The following ARHGAP26 variants were observed in gnomAD, a reference collection of about 807,000 sequenced individuals.
ARHGAP26 encodes Rho GTPase activating protein 26, also known as rho GTPase-activating protein 26.
In ARHGAP26, 38 loss-of-function variants were observed where a neutral mutation model predicts 104.8. The ratio of observed to expected loss-of-function variants is 0.36; its 90% CI spans 0.28 to 0.48. ARHGAP26 has a LOEUF of 0.48. Among genes scored for constraint, ARHGAP26 ranks in the 20% least tolerant of loss-of-function variants. The pLI is 0.99. For missense variants in ARHGAP26, 704 were observed against 947.9 expected (o/e 0.74, Z 3.38); for synonymous variants, 341 against 340.0 (o/e 1.00, Z -0.03).
At chr5:142,778,071 G>T (rs1227583657) in intron 1 of ARHGAP26, among the ~76,000 whole-genome samples, 1 of 152,164 alleles carries the variant, frequency 6.6e-6, no homozygotes, top group Non-Finnish European at 1.5e-5. Context: ...CATCACAGAT[G>T]GTGGTCAGAG....
chr5:142,840,931 A>C (rs1770668852), intron 1 of ARHGAP26, among the ~76,000 whole-genome samples: 1 of 152,244 alleles, frequency 6.6e-6, no homozygotes, highest in African/African-American at 2.4e-5. Context: ...CAGACAGTAA[A>C]CACATGGAAT....
rs1204011353 is a variant in ARHGAP26 at position 143,226,203 on chromosome 5, C to T, written c.*3757C>T. ...TTTCGTAGCTAAAGAATGCCATGGC[C>T]GGGTGCAGTGGCTCACGCCTATAAT... On this transcript the variant is annotated 3_prime_UTR_variant, in exon 23 of 23. Transcript: ENST00000645722. 7 of 182,236 alleles carry T rather than the reference C, an allele frequency of 3.8e-5. No individual in the cohort carries two copies. The highest frequency in any genetic ancestry group is 5.8e-5 in the Non-Finnish European group (5 of 85,590). The allele number at this position is 182,236 out of a possible 1,614,324, so 11.3% of individuals were successfully genotyped here. A position where few individuals can be genotyped will look rare whatever the true frequency, so the allele number is the denominator to read the frequency against.
At chr5:143,196,231 T>A (rs1474378080) in intron 20 of ARHGAP26, among the ~76,000 whole-genome samples, 1 of 152,074 alleles carries the variant, frequency 6.6e-6, no homozygotes, top group African/African-American at 2.4e-5. Context: ...CATCTCTTGC[T>A]TTCTCCTCCC....
intron 13 of ARHGAP26, among the ~76,000 whole-genome samples, chr5:143,038,902 G>T (rs1783051655): frequency 1.3e-5 from 2 of 151,928 alleles, no homozygotes; most frequent in East Asian, 1.9e-4. Flanking sequence ...CACCATGTTG[G>T]CCAGGATGGT....
rs75902370 is a variant in ARHGAP26 at position 142,953,064 on chromosome 5, A to G, written c.1107+20939A>G. Reference sequence around the variant, plus strand: ...GTAGCCACAATGTCATGGAGAGGATATAACTTATAACACCTTGCACTAGCT... The same window carrying G: ...GTAGCCACAATGTCATGGAGAGGATGTAACTTATAACACCTTGCACTAGCT... On this transcript the variant is annotated intron_variant, in intron 11 of 22. Transcript: ENST00000645722. Among the ~76,000 whole-genome samples the G allele has an allele frequency of 3.7e-3, 570 of 152,274 alleles. 14 individuals are homozygous for G. In the East Asian group the frequency reaches 0.074, roughly 20 times the overall value.
chr5:143,053,404 A>G (rs772047673), intron 14 of ARHGAP26, among the ~76,000 whole-genome samples: 12 of 152,180 alleles, frequency 7.9e-5, no homozygotes, highest in Admixed American at 7.9e-4. Flanking sequence ...TTTAGCCAGT[A>G]TGAGGGAGCT....
At chr5:143,180,612 C>T (rs1386005756) in intron 20 of ARHGAP26, among the ~76,000 whole-genome samples, 1 of 152,068 alleles carries the variant, frequency 6.6e-6, no homozygotes, top group Non-Finnish European at 1.5e-5. Context: ...CATGGCAGAA[C>T]GAGAAGAGAC....
intron 17 of ARHGAP26, among the ~76,000 whole-genome samples, chr5:143,113,792 C>T (rs1001603956): frequency 3.3e-5 from 5 of 152,082 alleles, no homozygotes; most frequent in Non-Finnish European, 2.9e-5. Context: ...AGGGAGAGGC[C>T]CTCTTTTTCC....
intron 1 of ARHGAP26, among the ~76,000 whole-genome samples, chr5:142,773,892 C>T (rs1755761773): frequency 6.6e-6 from 1 of 152,196 alleles, no homozygotes; most frequent in Admixed American, 6.5e-5. Context: ...CCTTTCAAAG[C>T]AAGAGTAAAA....
Position 143,143,162 on chromosome 5 carries a change from G to A in ARHGAP26, c.1838-4069G>A, listed in dbSNP as rs189417579. Among the ~76,000 whole-genome samples the A allele has an allele frequency of 6.8e-4, 104 of 152,190 alleles. 1 individual carries two copies. The highest frequency in any genetic ancestry group is 2.4e-3 in the African/African-American group (100 of 41,516). On this transcript the variant is annotated intron_variant, in intron 19 of 22. Coordinates refer to ENST00000645722, the MANE Select transcript of ARHGAP26 (RefSeq NM_001135608.3). ...GTATTCTGACAGAGTCCCATGCATG[G>A]GGGGAAACCTCCCGCAAATGTTTCG... is the stretch of plus-strand genomic sequence containing the variant.
intron 1 of ARHGAP26, among the ~76,000 whole-genome samples, chr5:142,783,805 C>G (rs1757995411): frequency 6.6e-6 from 1 of 152,250 alleles, no homozygotes; most frequent in African/African-American, 2.4e-5. Context: ...TGCTTTCACT[C>G]TGCTATTTGC....
chr5:142,959,079 C>A (rs1037132506), intron 11 of ARHGAP26, among the ~76,000 whole-genome samples: 1 of 151,762 alleles, frequency 6.6e-6, no homozygotes. Flanking sequence ...GAAAAAAGGC[C>A]CAGAGAAAGA....
intron 11 of ARHGAP26, among the ~76,000 whole-genome samples, chr5:142,957,091 C>G (rs1045407018): frequency 1.3e-5 from 2 of 152,152 alleles, no homozygotes; most frequent in African/African-American, 4.8e-5. Flanking sequence ...TATTAGAACA[C>G]TTAATGAAGA....
chr5:142,984,922 TA>T (rs79500802), intron 11 of ARHGAP26, among the ~76,000 whole-genome samples: 8 of 149,032 alleles, frequency 5.4e-5, no homozygotes, highest in East Asian at 2.0e-4. Flanking sequence ...TTCTACTTAT[TA>T]AAAAAAAAAG....
chr5:142,934,961 C>A (rs1765211331), intron 11 of ARHGAP26, among the ~76,000 whole-genome samples: 1 of 152,134 alleles, frequency 6.6e-6, no homozygotes. Context: ...AATACACAGT[C>A]ATATCCTAGT....
At chr5:143,108,513 A>G (rs1562440896) in intron 17 of ARHGAP26, among the ~76,000 whole-genome samples, 1 of 152,206 alleles carries the variant, frequency 6.6e-6, no homozygotes, top group Non-Finnish European at 1.5e-5. Flanking sequence ...AGGTTTGTCA[A>G]TTCCAGTCAC....
At chr5:142,788,297 G>A (rs779014155) in intron 1 of ARHGAP26, among the ~76,000 whole-genome samples, 2 of 152,044 alleles carry the variant, frequency 1.3e-5, no homozygotes, top group Non-Finnish European at 2.9e-5. Context: ...CACCGCGCCC[G>A]GCCAATTAAT....
intron 9 of ARHGAP26, 118 bp from the exon 10 acceptor site, chr5:142,913,081 A>C (rs1047986629): frequency 5.6e-6 from 5 of 887,652 alleles, no homozygotes; most frequent in Non-Finnish European, 9.3e-6. Flanking sequence ...GCCCATGGTC[A>C]TGAGCACTCA....
intron 1 of ARHGAP26, among the ~76,000 whole-genome samples, chr5:142,836,123 T>C (rs952854425): frequency 7.2e-5 from 11 of 152,186 alleles, no homozygotes; most frequent in African/African-American, 2.7e-4. Flanking sequence ...AAGTAAGATA[T>C]CATCAACCCA....
Sources: gnomAD v4.1 joint callset for allele counts (sites outside exome capture counted in the v4.1 genomes callset) on GRCh38, gnomAD v4.1.1 for gene constraint, MANE v1.5 for transcripts, NCBI Gene and HGNC (gene_info 2026-07-23, HGNC 2026-07-21) for gene names.